The following STAM2 variants were observed in gnomAD, a reference collection of about 807,000 sequenced individuals.
STAM2 encodes signal transducing adapter molecule 2.
A neutral mutation model predicts 65.6 loss-of-function variants in STAM2; 51 were observed. The ratio of observed to expected loss-of-function variants is 0.78; its 90% CI spans 0.62 to 0.98. The LOEUF (loss-of-function observed/expected upper bound fraction) is 0.98, where lower values mean the gene tolerates loss of function less well. STAM2 is among the 50% of genes least tolerant of loss of function. The probability of loss-of-function intolerance (pLI) is 0.00; values close to 1 mark genes in which losing one functional copy is unlikely to be tolerated. For missense variants in STAM2, 584 were observed against 617.8 expected (o/e 0.95, Z 0.58); for synonymous variants, 198 against 208.4 (o/e 0.95, Z 0.43).
At position 152,135,565 on chromosome 2, in the gene STAM2, A is replaced by G; in HGVS notation, c.743T>C (p.Ile248Thr). 1 of 1,612,674 alleles carries G rather than the reference A, an allele frequency of 6.2e-7. No homozygotes were observed. The highest frequency in any genetic ancestry group is 8.5e-7 in the Non-Finnish European group (1 of 1,179,510). Reference sequence around the variant, plus strand: ...TACAAAATTGGATGGGAAAAGTCCTATTCCTCTGTGATTTTCTCCTTTCCA... The same window carrying G: ...TACAAAATTGGATGGGAAAAGTCCTGTTCCTCTGTGATTTTCTCCTTTCCA... Reference protein sequence around the residue: ...NWWKGENHRGIGLFPSNFVTT... With the variant: ...NWWKGENHRGTGLFPSNFVTT... The change falls in exon 8 of 14, where the codon ATA becomes ACA. Residue 248 changes from isoleucine to threonine, a missense_variant. Coordinates refer to ENST00000263904, the MANE Select transcript of STAM2 (RefSeq NM_005843.6).
chr2:152,139,060 T>C (rs552229418), intron 7 of STAM2, among the ~76,000 whole-genome samples: 1 of 152,182 alleles, frequency 6.6e-6, no homozygotes, highest in Non-Finnish European at 1.5e-5. Flanking sequence ...CAGCTCTATA[T>C]TCTCTCCACT....
chr2:152,171,513 T>A lies in STAM2; in HGVS notation c.40+4090A>T, dbSNP rs148175425. Among the ~76,000 whole-genome samples, 47 of 152,382 alleles carry A rather than the reference T, an allele frequency of 3.1e-4. No homozygotes were observed. The East Asian group carries it at 5.0e-3, about 16-fold the overall frequency. On this transcript the variant is annotated intron_variant, in intron 1 of 13. Transcript: ENST00000263904. ...GTGTGTATGTTATGAATTTATATTA[T>A]TCTTATGCTATCAATATCTATTTTT...
At chr2:152,126,814 C>CT (rs1688971505) in intron 11 of STAM2, among the ~76,000 whole-genome samples, 2 of 152,214 alleles carry the variant, frequency 1.3e-5, no homozygotes, top group Non-Finnish European at 2.9e-5. Context: ...ACTTCAGCCT[C>CT]TGAATGGTTG....
chr2:152,158,816 G>C (rs1243381716), intron 1 of STAM2, among the ~76,000 whole-genome samples: 1 of 151,990 alleles, frequency 6.6e-6, no homozygotes, highest in Non-Finnish European at 1.5e-5. Context: ...ACAAGGGAGA[G>C]TGAACCCACC....
At chr2:152,124,906 A>G (rs1000530449) in intron 12 of STAM2, among the ~76,000 whole-genome samples, 2 of 152,222 alleles carry the variant, frequency 1.3e-5, no homozygotes, top group African/African-American at 4.8e-5. Flanking sequence ...TAGTAGAGAT[A>G]TATTTTTGTC....
chr2:152,164,783 G>A (rs1352393600), intron 1 of STAM2, among the ~76,000 whole-genome samples: 2 of 152,262 alleles, frequency 1.3e-5, no homozygotes, highest in East Asian at 3.9e-4. Context: ...GAGGAGTTGA[G>A]AGAATTGAGC....
chr2:152,131,989 G>C, intron 11 of STAM2, 125 bp downstream of exon 11: 2 of 616,734 alleles, frequency 3.2e-6, no homozygotes, highest in Non-Finnish European at 5.5e-6. Flanking sequence ...TAAAAGCCTG[G>C]GAAACTGAAA....
chr2:152,147,325 A>G lies in STAM2; in HGVS notation c.301-17T>C. On this transcript the variant is annotated splice_polypyrimidine_tract_variant and intron_variant, in intron 4 of 13. Coordinates refer to ENST00000263904, the MANE Select transcript of STAM2 (RefSeq NM_005843.6). Reference sequence around the variant, plus strand: ...AGGATGTGCCTTTTAAGGAAAAGGAAAGGAAAATAAACAAAAATCTACGGT... The same window carrying G: ...AGGATGTGCCTTTTAAGGAAAAGGAGAGGAAAATAAACAAAAATCTACGGT... The G allele has an allele frequency of 6.6e-7, 1 of 1,523,320 alleles. No individual in the cohort carries two copies. 94.4% of individuals were successfully genotyped at this position (1,523,320 alleles called of 1,614,324 possible).
chr2:152,154,116 G>C (rs1689498495), intron 1 of STAM2, among the ~76,000 whole-genome samples: 1 of 152,192 alleles, frequency 6.6e-6, no homozygotes, highest in Non-Finnish European at 1.5e-5. Context: ...GTGAACCCCA[G>C]AAGTGGGCAT....
chr2:152,175,659 C>T lies in STAM2; in HGVS notation c.-17G>A. 1 of 1,608,854 alleles carries T rather than the reference C, an allele frequency of 6.2e-7. No individual in the cohort carries two copies. Among genetic ancestry groups the T allele is most frequent in the Middle Eastern group, 1.7e-4 (1 of 6,058 alleles). On this transcript the variant is annotated 5_prime_UTR_variant, in exon 1 of 14. Transcript: ENST00000263904. ...CAAAGGCATCTCGCCGGCGCCCGAG[C>T]CCTAGTCGCTGCTGTCTAGCTGACA...
intron 1 of STAM2, among the ~76,000 whole-genome samples, chr2:152,160,004 T>C (rs939908418): frequency 5.9e-5 from 9 of 152,266 alleles, no homozygotes; most frequent in Admixed American, 5.2e-4. Flanking sequence ...GTGCCAGGAT[T>C]GCAGACGGAG....
intron 1 of STAM2, among the ~76,000 whole-genome samples, chr2:152,163,933 G>T (rs908790016): frequency 6.6e-6 from 1 of 152,162 alleles, no homozygotes; most frequent in Non-Finnish European, 1.5e-5. Context: ...TGTTTATCAA[G>T]ACAATATGTG....
intron 1 of STAM2, among the ~76,000 whole-genome samples, chr2:152,175,075 A>G (rs961347005): frequency 6.6e-6 from 1 of 152,318 alleles, no homozygotes; most frequent in East Asian, 1.9e-4. Flanking sequence ...TACAATTGTA[A>G]TAAATCTTAA....
chr2:152,120,751 GT>G lies in STAM2; in HGVS notation c.1400del (p.Asn467ThrfsTer39). On this transcript the variant is annotated frameshift_variant, in exon 14 of 14. Transcript: ENST00000263904. LOFTEE classifies it high-confidence loss of function. Reference sequence around the variant, plus strand: ...CAGTTGTACCAGTAGCTGACTGTAGGTTAGAGTTCTGGTTCATATAAGTAGG... The same window carrying G: ...CAGTTGTACCAGTAGCTGACTGTAGGTAGAGTTCTGGTTCATATAAGTAGG... ...SNPTYMNQNS[N>X]LQSATGTTAY... is the part of the protein sequence containing the mutation. The G allele has an allele frequency of 6.2e-7, 1 of 1,614,184 alleles. No individual in the cohort carries two copies. The highest frequency in any genetic ancestry group is 8.5e-7 in the Non-Finnish European group (1 of 1,180,030).
chr2:152,157,893 A>T (rs2105558093), intron 1 of STAM2, among the ~76,000 whole-genome samples: 1 of 152,314 alleles, frequency 6.6e-6, no homozygotes, highest in African/African-American at 2.4e-5. Context: ...ACAGAACAAA[A>T]CTCAACACCA....
At chr2:152,129,539 C>T (rs1689020515) in intron 11 of STAM2, among the ~76,000 whole-genome samples, 2 of 152,148 alleles carry the variant, frequency 1.3e-5, no homozygotes, top group African/African-American at 4.8e-5. Flanking sequence ...ATAGTTTCTG[C>T]CTTTTTTCAT....
chr2:152,120,788 G>C lies in STAM2; in HGVS notation c.1364C>G (p.Thr455Ser). ...GTTCATATAAGTAGGATTGGAAACAGTGTCTTGTCCAGTGCTACAAACAAA... is the reference window on the plus strand; with the variant it reads ...GTTCATATAAGTAGGATTGGAAACACTGTCTTGTCCAGTGCTACAAACAAA... ...QTSYLSTGQD[T>S]VSNPTYMNQN... Residue 455 changes from threonine (T) to serine (S), a missense_variant, in exon 14 of 14, where the codon ACT (threonine) becomes AGT (serine). Coordinates refer to ENST00000263904, the MANE Select transcript of STAM2 (RefSeq NM_005843.6). The C allele has an allele frequency of 1.9e-6, 3 of 1,614,096 alleles. No individual in the cohort carries two copies. Among genetic ancestry groups the C allele is most frequent in the Non-Finnish European group, 2.5e-6 (3 of 1,179,954 alleles).
chr2:152,153,889 C>T (rs1259681593), intron 1 of STAM2, among the ~76,000 whole-genome samples: 4 of 137,320 alleles, frequency 2.9e-5, no homozygotes, highest in Admixed American at 1.4e-4. Flanking sequence ...ATTACATACA[C>T]ACACACACAC....
In STAM2 at chr2:152,147,189, T is replaced by C; in HGVS notation, c.420A>G (p.Gly140=). Residue 140 remains glycine (G), a synonymous_variant, in exon 5 of 14, where the codon GGA becomes GGG. Coordinates refer to ENST00000263904, the MANE Select transcript of STAM2 (RefSeq NM_005843.6). Reference sequence around the variant, plus strand: ...GAGAACCTGCTGGAGGAAAAGTAATTCCTTCTTCTTTCATAGATTTAATAG... The same window carrying C: ...GAGAACCTGCTGGAGGAAAAGTAATCCCTTCTTCTTTCATAGATTTAATAG... The part of the protein sequence containing the change: ...SATIKSMKEE[G]ITFPPAGSQT... 1.2e-6 allele frequency: 2 copies of C among 1,608,496 alleles called. No individual in the cohort carries two copies. Among genetic ancestry groups the C allele is most frequent in the African/African-American group, 1.3e-5 (1 of 74,688 alleles).
Sources: allele counts gnomAD v4.1 joint callset (sites outside exome capture counted in the v4.1 genomes callset), GRCh38; gene constraint gnomAD v4.1.1; transcripts MANE v1.5; gene names NCBI Gene and HGNC (gene_info 2026-07-23, HGNC 2026-07-21).